Variants in GRM7 observed in about 807,000 individuals in gnomAD.
The protein encoded by GRM7 is metabotropic glutamate receptor 7.
A neutral mutation model predicts 84.5 loss-of-function variants in GRM7; 35 were observed. That is an observed-to-expected ratio of 0.41 (90% CI 0.32 to 0.55). The LOEUF (loss-of-function observed/expected upper bound fraction) is 0.55. Ranked by LOEUF, GRM7 falls within the 20% of genes least tolerant of loss-of-function variation. The pLI, the probability that GRM7 is intolerant of heterozygous loss-of-function variation, is 0.19. For missense variants in GRM7, 1,003 were observed against 1,194.6 expected (o/e 0.84, Z 2.36); for synonymous variants, 487 against 455.1 (o/e 1.07, Z -0.89).
At chr3:7,505,141 A>G (rs992445162) in intron 7 of GRM7, among the ~76,000 whole-genome samples, 5 of 152,218 alleles carry the variant, frequency 3.3e-5, no homozygotes, top group Admixed American at 6.5e-5. Context: ...AGGAGAAACA[A>G]TATTATTCAT....
At chr3:7,240,451 T>G (rs1697516105) in intron 2 of GRM7, among the ~76,000 whole-genome samples, 1 of 151,922 alleles carries the variant, frequency 6.6e-6, no homozygotes, top group Non-Finnish European at 1.5e-5. Flanking sequence ...TCTAAAATAG[T>G]TTTTATTTTT....
chr3:7,328,225 C>T (rs1701059478), intron 4 of GRM7, among the ~76,000 whole-genome samples: 1 of 152,296 alleles, frequency 6.6e-6, no homozygotes, highest in African/African-American at 2.4e-5. Context: ...TTTTCTAACT[C>T]ATCGTCATGG....
intron 4 of GRM7, among the ~76,000 whole-genome samples, chr3:7,367,226 G>T (rs1341902789): frequency 1.1e-5 from 1 of 87,956 alleles, no homozygotes; most frequent in African/African-American, 6.1e-5. Context: ...AAAATGTAGT[G>T]CCTTTTTTCC....
rs375981001 is a variant in GRM7, at chr3:6,966,913, T to G, written c.519+105006T>G. Reference sequence around the variant, plus strand: ...TGGCCATGATGAGGCTTAACCTCTTTCACCTTCAGGTATCTCTCCTATAAG... The same window carrying G: ...TGGCCATGATGAGGCTTAACCTCTTGCACCTTCAGGTATCTCTCCTATAAG... On this transcript the variant is annotated intron_variant, in intron 1 of 9. Transcript: ENST00000357716. Among the ~76,000 whole-genome samples the G allele has an allele frequency of 2.2e-4, 33 of 152,320 alleles. No homozygotes were observed. In the East Asian group the frequency reaches 4.8e-3, roughly 22 times the overall value.
At chr3:7,190,340 G>A (rs532954217) in intron 2 of GRM7, among the ~76,000 whole-genome samples, 7 of 152,024 alleles carry the variant, frequency 4.6e-5, no homozygotes, top group Admixed American at 2.6e-4. Context: ...TATTCTCAGC[G>A]TACAGTGTTT....
At chr3:7,612,748 G>T (rs1448875609) in intron 8 of GRM7, among the ~76,000 whole-genome samples, 1 of 152,152 alleles carries the variant, frequency 6.6e-6, no homozygotes, top group Non-Finnish European at 1.5e-5. Context: ...TAATATCTGG[G>T]AAGAATTAGA....
At chr3:7,399,274 A>G (rs762703774) in intron 4 of GRM7, among the ~76,000 whole-genome samples, 1 of 152,016 alleles carries the variant, frequency 6.6e-6, no homozygotes, top group Non-Finnish European at 1.5e-5. Flanking sequence ...TCTAGATCCA[A>G]TCACCCCATC....
At chr3:6,985,400 TTGA>T (rs1383675851) in intron 1 of GRM7, among the ~76,000 whole-genome samples, 1 of 152,154 alleles carries the variant, frequency 6.6e-6, no homozygotes, top group Non-Finnish European at 1.5e-5. Context: ...ACTCTCTGTA[TTGA>T]TGAGTTCATT....
chr3:7,140,622 CATG>C (rs1297570611), intron 1 of GRM7, among the ~76,000 whole-genome samples: 1 of 151,944 alleles, frequency 6.6e-6, no homozygotes, highest in African/African-American at 2.4e-5. Context: ...CAGCTCTTAG[CATG>C]ATGTTTCACA....
chr3:7,205,278 C>T (rs1294236113), intron 2 of GRM7, among the ~76,000 whole-genome samples: 2 of 152,110 alleles, frequency 1.3e-5, no homozygotes, highest in Non-Finnish European at 2.9e-5. Flanking sequence ...AAGATCTGGT[C>T]GTGGGTGGTG....
intron 5 of GRM7, among the ~76,000 whole-genome samples, chr3:7,423,053 T>A (rs1177269555): frequency 3.3e-5 from 5 of 152,140 alleles, no homozygotes; most frequent in African/African-American, 1.2e-4. Flanking sequence ...GGTGTATAGA[T>A]GGACCCTGCA....
chr3:7,364,914 C>T (rs1420065800), intron 4 of GRM7, among the ~76,000 whole-genome samples: 7 of 151,822 alleles, frequency 4.6e-5, no homozygotes, highest in African/African-American at 1.7e-4. Context: ...TTGCATCCTA[C>T]TCACTTACCT....
intron 8 of GRM7, among the ~76,000 whole-genome samples, chr3:7,640,133 C>T (rs1227139927): frequency 6.6e-6 from 1 of 152,148 alleles, no homozygotes; most frequent in African/African-American, 2.4e-5. Context: ...TCCTATCCGC[C>T]ACAATGCCCT....
Position 7,015,528 on chromosome 3 carries a change from G to A in GRM7, c.520-130924G>A, listed in dbSNP as rs114344559. ...TAACAAATTAATGCAAAAATTAGCA[G>A]ATTAAAATAATGAAAACATATCCCA... On this transcript the variant is annotated intron_variant, in intron 1 of 9. Transcript: ENST00000357716. Among the ~76,000 whole-genome samples, 249 of 152,316 alleles carry A rather than the reference G, an allele frequency of 1.6e-3. 1 individual carries two copies. Among genetic ancestry groups the A allele is most frequent in the African/African-American group, 5.5e-3 (229 of 41,572 alleles).
At chr3:7,410,358 C>T (rs895090143) in intron 4 of GRM7, among the ~76,000 whole-genome samples, 1 of 151,954 alleles carries the variant, frequency 6.6e-6, no homozygotes, top group Admixed American at 6.6e-5. Context: ...ATTGTTTGAA[C>T]CCAAGGGTTT....
At chr3:7,738,956 G>A (rs891020723) in intron 9 of GRM7, among the ~76,000 whole-genome samples, 21 of 152,128 alleles carry the variant, frequency 1.4e-4, no homozygotes, top group Admixed American at 2.0e-4. Flanking sequence ...GAAGATTTGG[G>A]CATTATTGAG....
chr3:7,271,185 C>A (rs936252436), intron 2 of GRM7, among the ~76,000 whole-genome samples: 1 of 152,068 alleles, frequency 6.6e-6, no homozygotes, highest in African/African-American at 2.4e-5. Context: ...ATGTTGAAAC[C>A]CAACAGAAAG....
At chr3:7,499,924 G>C (rs575047591) in intron 7 of GRM7, among the ~76,000 whole-genome samples, 1 of 151,956 alleles carries the variant, frequency 6.6e-6, no homozygotes, top group Non-Finnish European at 1.5e-5. Flanking sequence ...ACAGGTGCCC[G>C]TCACCACGCC....
intron 1 of GRM7, among the ~76,000 whole-genome samples, chr3:7,098,545 C>T (rs1698935241): frequency 1.3e-5 from 2 of 151,906 alleles, no homozygotes; most frequent in African/African-American, 4.8e-5. Context: ...TCACTTGTCC[C>T]ACATATTTAT....
Sources: allele counts gnomAD v4.1 joint callset (sites outside exome capture counted in the v4.1 genomes callset), GRCh38; gene constraint gnomAD v4.1.1; transcripts MANE v1.5; gene names NCBI Gene and HGNC (gene_info 2026-07-23, HGNC 2026-07-21).